The following ROBO2 variants were observed in gnomAD, a reference collection of about 807,000 sequenced individuals.
ROBO2 encodes roundabout guidance receptor 2, also known as roundabout homolog 2.
A neutral mutation model predicts 160.8 loss-of-function variants in ROBO2; 53 were observed. The observed-to-expected ratio is 0.33, with a 90% CI of 0.26 to 0.41. The LOEUF is 0.41. ROBO2 is among the 10% of genes least tolerant of loss of function. The probability of loss-of-function intolerance (pLI) is 1.00; values close to 1 mark genes in which losing one functional copy is unlikely to be tolerated. For missense variants in ROBO2, 1,577 were observed against 1,722.4 expected (o/e 0.92, Z 1.49); for synonymous variants, 664 against 611.7 (o/e 1.09, Z -1.26).
chr3:77,404,136 A>G (rs1327614967), intron 2 of ROBO2, among the ~76,000 whole-genome samples: 2 of 152,122 alleles, frequency 1.3e-5, no homozygotes, highest in Admixed American at 1.3e-4. Flanking sequence ...TAACTCATGG[A>G]TTCTTGGTTT....
intron 2 of ROBO2, among the ~76,000 whole-genome samples, chr3:76,004,977 A>G (rs1193988477): frequency 6.6e-6 from 1 of 152,160 alleles, no homozygotes; most frequent in Non-Finnish European, 1.5e-5. Flanking sequence ...TTAGGTCATA[A>G]AGGCTGAAGC....
chr3:75,975,998 T>C (rs1026686261), intron 2 of ROBO2, among the ~76,000 whole-genome samples: 7 of 151,494 alleles, frequency 4.6e-5, no homozygotes, highest in Non-Finnish European at 1.0e-4. Context: ...TGAAAATCAC[T>C]GAATAGCAAC....
intron 2 of ROBO2, among the ~76,000 whole-genome samples, chr3:77,120,181 G>T (rs941193252): frequency 6.6e-6 from 1 of 152,114 alleles, no homozygotes; most frequent in Non-Finnish European, 1.5e-5. Context: ...TTATTTTAAC[G>T]TGTAATAGAC....
intron 2 of ROBO2, among the ~76,000 whole-genome samples, chr3:77,231,309 G>A (rs1450759018): frequency 7.4e-6 from 1 of 134,770 alleles, no homozygotes; most frequent in Admixed American, 8.5e-5. Flanking sequence ...GCTGCAGTGA[G>A]CCAAGATCAC....
intron 2 of ROBO2, among the ~76,000 whole-genome samples, chr3:77,414,676 G>C (rs2077069115): frequency 1.3e-5 from 2 of 152,182 alleles, no homozygotes; most frequent in South Asian, 4.1e-4. Context: ...GAGATAATGG[G>C]TGAAGGAGGT....
chr3:77,111,852 C>G (rs2073625342), intron 2 of ROBO2, among the ~76,000 whole-genome samples: 1 of 152,090 alleles, frequency 6.6e-6, no homozygotes, highest in South Asian at 2.1e-4. Context: ...TAAAATTATG[C>G]ATGGATTATT....
intron 2 of ROBO2, among the ~76,000 whole-genome samples, chr3:76,909,727 T>C (rs958984850): frequency 3.9e-5 from 6 of 152,220 alleles, no homozygotes; most frequent in Non-Finnish European, 8.8e-5. Flanking sequence ...TAGAGTCTCA[T>C]AATTCTAGAT....
chr3:77,466,782 A>ATT (rs1426339599), intron 2 of ROBO2, among the ~76,000 whole-genome samples: 3 of 152,180 alleles, frequency 2.0e-5, no homozygotes, highest in African/African-American at 7.2e-5. Context: ...GGTAATAAAT[A>ATT]ACACATAAAT....
At chr3:76,923,453 G>T (rs2076795439) in intron 2 of ROBO2, among the ~76,000 whole-genome samples, 1 of 152,200 alleles carries the variant, frequency 6.6e-6, no homozygotes, top group Non-Finnish European at 1.5e-5. Flanking sequence ...GTGCGAATGT[G>T]TATATGATTG....
chr3:76,798,798 T>C (rs1215568220), intron 2 of ROBO2, among the ~76,000 whole-genome samples: 1 of 151,898 alleles, frequency 6.6e-6, no homozygotes, highest in Non-Finnish European at 1.5e-5. Flanking sequence ...CAGGCTGAGA[T>C]GGGAGAATTG....
intron 2 of ROBO2, among the ~76,000 whole-genome samples, chr3:77,443,782 C>T (rs369007423): frequency 3.9e-5 from 6 of 152,234 alleles, no homozygotes; most frequent in Admixed American, 2.0e-4. Context: ...CAAGTTGTAG[C>T]TATGTAGCCA....
intron 2 of ROBO2, among the ~76,000 whole-genome samples, chr3:77,448,817 T>C (rs1005402107): frequency 1.5e-4 from 23 of 151,710 alleles, no homozygotes; most frequent in Admixed American, 4.6e-4. Context: ...AGACCAACAT[T>C]AAGCTTTTCC....
intron 2 of ROBO2, among the ~76,000 whole-genome samples, chr3:76,464,971 T>C (rs2078286241): frequency 6.6e-6 from 1 of 152,142 alleles, no homozygotes; most frequent in South Asian, 2.1e-4. Context: ...CATTTATTCA[T>C]GTATTTGTTT....
chr3:76,824,053 T>C (rs2066357688), intron 2 of ROBO2, among the ~76,000 whole-genome samples: 1 of 152,172 alleles, frequency 6.6e-6, no homozygotes, highest in South Asian at 2.1e-4. Flanking sequence ...TCCTTTCATG[T>C]TGTGCCACCA....
intron 2 of ROBO2, among the ~76,000 whole-genome samples, chr3:77,206,263 G>A (rs533781428): frequency 1.2e-4 from 18 of 152,058 alleles, no homozygotes; most frequent in Non-Finnish European, 1.6e-4. Context: ...TCCACCTCCC[G>A]GGTTCAAGCG....
intron 2 of ROBO2, among the ~76,000 whole-genome samples, chr3:76,441,105 C>T (rs907544093): frequency 6.6e-6 from 1 of 150,434 alleles, no homozygotes; most frequent in Admixed American, 6.6e-5. Flanking sequence ...GATTCTATTC[C>T]AAAAAAAAAG....
intron 2 of ROBO2, among the ~76,000 whole-genome samples, chr3:77,394,081 C>A (rs1239387779): frequency 2.0e-5 from 3 of 152,088 alleles, no homozygotes; most frequent in African/African-American, 7.2e-5. Context: ...TTGTTTCCAA[C>A]ACCATAACAG....
At chr3:76,745,629 G>C (rs893185507) in intron 2 of ROBO2, among the ~76,000 whole-genome samples, 2 of 151,852 alleles carry the variant, frequency 1.3e-5, no homozygotes, top group African/African-American at 4.8e-5. Context: ...GTGTGTGCTT[G>C]AGCATCTTGA....
At chr3:77,070,047 A>G (rs1382985652) in intron 1 of ROBO2, among the ~76,000 whole-genome samples, 1 of 152,146 alleles carries the variant, frequency 6.6e-6, no homozygotes, top group Non-Finnish European at 1.5e-5. Context: ...CGGAGACACA[A>G]AGAGAATCCA....
Sources: allele counts gnomAD v4.1 joint callset (sites outside exome capture counted in the v4.1 genomes callset), GRCh38; gene constraint gnomAD v4.1.1; transcripts MANE v1.5; gene names NCBI Gene and HGNC (gene_info 2026-07-23, HGNC 2026-07-21).